Variants in RNF123 observed in about 807,000 individuals in gnomAD.
RNF123 encodes E3 ubiquitin-protein ligase RNF123.
Under a neutral mutation model 168.5 loss-of-function variants are expected in RNF123, and 86 were observed. The observed-to-expected ratio is 0.51, with a 90% CI of 0.43 to 0.61. The LOEUF (loss-of-function observed/expected upper bound fraction) is 0.61, where lower values mean the gene tolerates loss of function less well. Ranked by LOEUF, RNF123 falls within the 20% of genes least tolerant of loss-of-function variation. RNF123 has a pLI of 0.00. For missense variants in RNF123, 1,419 were observed against 1,729.7 expected, an observed-to-expected ratio of 0.82 and a Z score of 3.19; for synonymous variants, 666 against 689.1, an observed-to-expected ratio of 0.97 and a Z score of 0.52.
chr3:49,716,448 G>T lies in RNF123; in HGVS notation c.3471G>T (p.Val1157=), dbSNP rs1331484103. ...PILVAVTGIL[V]QLLVRGPASE... ...TGGTGGCAGTGACGGGCATCCTGGT[G>T]CAGCTCCTGGTGCGTGGCCCAGCCT... The change falls in exon 35 of 39, where the codon GTG becomes GTT. Residue 1157 remains valine (V), a synonymous_variant. Transcript: ENST00000327697. 1 of 1,614,000 alleles carries T rather than the reference G, an allele frequency of 6.2e-7. No homozygotes were observed. The highest frequency in any genetic ancestry group is 8.5e-7 in the Non-Finnish European group (1 of 1,180,000).
At chr3:49,713,490 C>T (rs778818608) in intron 27 of RNF123, 23 bp from the exon 28 acceptor site, 10 of 1,591,766 alleles carry the variant, frequency 6.3e-6, no homozygotes, top group Admixed American at 5.3e-5. Flanking sequence ...CCAGCCGACA[C>T]GTCTCACTTC....
Position 49,706,802 on chromosome 3 carries a change from C to G in RNF123, c.2400C>G (p.Ile800Met). 6.2e-7 allele frequency: 1 copy of G among 1,614,148 alleles called. No individual in the cohort carries two copies. Reference protein sequence around the residue: ...LRRCPKRRKDILAELTKSQKV... With the variant: ...LRRCPKRRKDMLAELTKSQKV... ...CCCTTGGGTGGCAGAGGAAGGACAT[C>G]CTTGCAGAGTTGACCAAGAGCCAGA... The change falls in exon 26 of 39, where the codon ATC (isoleucine) becomes ATG (methionine). Residue 800 changes from isoleucine to methionine, a missense_variant. Physicochemically the swap from Ile to Met is conservative, Grantham distance 10. This residue lies in a region of RNF123 where 538 missense variants were observed against 708.8 expected (regional missense o/e 0.76). Coordinates refer to ENST00000327697, the MANE Select transcript of RNF123 (RefSeq NM_022064.5).
intron 15 of RNF123, 66 bp from the exon 16 acceptor site, chr3:49,701,425 G>C: frequency 3.9e-6 from 5 of 1,270,368 alleles, no homozygotes; most frequent in Non-Finnish European, 4.6e-6. Flanking sequence ...GGGCTCCTGG[G>C]GAAGGACTCT....
intron 24 of RNF123, 145 bp downstream of exon 24, chr3:49,705,824 T>G: frequency 6.9e-7 from 1 of 1,448,350 alleles, no homozygotes; most frequent in East Asian, 2.3e-5. Context: ...TGGTTTCTGC[T>G]CCTGCTGCCT....
Position 49,699,605 on chromosome 3 carries a change from C to T in RNF123, c.879+23C>T, listed in dbSNP as rs367898854. The T allele has an allele frequency of 9.3e-6, 15 of 1,612,078 alleles. No individual in the cohort carries two copies. Among genetic ancestry groups the T allele is most frequent in the South Asian group, 2.2e-5 (2 of 91,044 alleles). Reference sequence around the variant, plus strand: ...GTGGTGAGCTGGGGTCTGGGCCAGGCGGGGTGGGGGGCTTCCACAGCCTCC... The same window carrying T: ...GTGGTGAGCTGGGGTCTGGGCCAGGTGGGGTGGGGGGCTTCCACAGCCTCC... On this transcript the variant is annotated intron_variant, in intron 11 of 38. Transcript: ENST00000327697. This position sits in a 1 kb window ranked among gnomAD's most constrained non-coding sequence, Gnocchi z 4.8.
chr3:49,699,641 A>G lies in RNF123; in HGVS notation c.880-27A>G. 1.2e-6 allele frequency: 2 copies of G among 1,613,050 alleles called. No individual in the cohort carries two copies. The highest frequency in any genetic ancestry group is 1.7e-6 in the Non-Finnish European group (2 of 1,179,440). ...GCTTCCACAGCCTCCTGCCCCTCACACTTCTCCCTCCTCCCCCTCCACACA... is the reference window on the plus strand; with the variant it reads ...GCTTCCACAGCCTCCTGCCCCTCACGCTTCTCCCTCCTCCCCCTCCACACA... On this transcript the variant is annotated intron_variant, in intron 11 of 38. Transcript: ENST00000327697. This position sits in a 1 kb window ranked among gnomAD's most constrained non-coding sequence, Gnocchi z 4.8.
chr3:49,702,028 A>G lies in RNF123; in HGVS notation c.1496-55A>G. On this transcript the variant is annotated intron_variant, in intron 17 of 38. Coordinates refer to ENST00000327697, the MANE Select transcript of RNF123 (RefSeq NM_022064.5). ...ACCCTGGTGGTGGAGCCCTGGCCCA[A>G]ACCTGCCCCCCATCTCCTGGAGCCT... The G allele has an allele frequency of 1.9e-6, 3 of 1,593,860 alleles. No individual in the cohort carries two copies. The Admixed American group carries it at 5.2e-5, about 28-fold the overall frequency.
chr3:49,701,439 G>A (rs2054381945), intron 15 of RNF123, 52 bp from the exon 16 acceptor site: 1 of 1,394,510 alleles, frequency 7.2e-7, no homozygotes, highest in Admixed American at 1.7e-5. Flanking sequence ...GGACTCTTGA[G>A]GGTGTGCAGA....
chr3:49,719,243 G>A lies in RNF123; in HGVS notation c.3501-1268G>A, dbSNP rs760910986. On this transcript the variant is annotated intron_variant, in intron 35 of 38. Coordinates refer to ENST00000327697, the MANE Select transcript of RNF123 (RefSeq NM_022064.5). ...GGCGCCAACCAGCCGGGGCGCAGGCGCTGGAGCGCGTTGTGGCTCAGGTCG... is the reference window on the plus strand; with the variant it reads ...GGCGCCAACCAGCCGGGGCGCAGGCACTGGAGCGCGTTGTGGCTCAGGTCG... 2.3e-5 allele frequency: 37 copies of A among 1,613,054 alleles called. No individual in the cohort carries two copies. In the South Asian group the frequency reaches 3.6e-4, roughly 16 times the overall value.
Position 49,699,605 on chromosome 3 carries a change from C to G in RNF123, c.879+23C>G, listed in dbSNP as rs367898854. 1 of 1,612,196 alleles carries G rather than the reference C, an allele frequency of 6.2e-7. No individual in the cohort carries two copies. The highest frequency in any genetic ancestry group is 2.2e-5 in the East Asian group (1 of 44,856). ...GTGGTGAGCTGGGGTCTGGGCCAGG[C>G]GGGGTGGGGGGCTTCCACAGCCTCC... On this transcript the variant is annotated intron_variant, in intron 11 of 38. Transcript: ENST00000327697. This position sits in a 1 kb window ranked among gnomAD's most constrained non-coding sequence, Gnocchi z 4.8.
chr3:49,710,878 T>C (rs2108195216), intron 26 of RNF123, among the ~76,000 whole-genome samples: 1 of 152,308 alleles, frequency 6.6e-6, no homozygotes. Context: ...TTTTCATATA[T>C]GGTCTTTATT....
chr3:49,694,052 T>C (rs1431810906), intron 3 of RNF123, among the ~76,000 whole-genome samples: 1 of 152,246 alleles, frequency 6.6e-6, no homozygotes, highest in African/African-American at 2.4e-5. Flanking sequence ...ATTTGTGGGC[T>C]GTCTCTTCAC....
At chr3:49,704,138 G>A (rs567528387) in intron 21 of RNF123, among the ~76,000 whole-genome samples, 1 of 152,172 alleles carries the variant, frequency 6.6e-6, no homozygotes, top group African/African-American at 2.4e-5. Context: ...GACACAGCGC[G>A]TTTAGCGGGG....
At chr3:49,700,394 T>C in intron 13 of RNF123, 42 bp downstream of exon 13, 1 of 1,612,880 alleles carries the variant, frequency 6.2e-7, no homozygotes, top group Non-Finnish European at 8.5e-7. Context: ...GCTGTCAGTC[T>C]TCACTGGGGT....
At chr3:49,714,824 A>G (rs930567163) in intron 31 of RNF123, among the ~76,000 whole-genome samples, 26 of 152,136 alleles carry the variant, frequency 1.7e-4, no homozygotes, top group African/African-American at 6.0e-4. Flanking sequence ...TTCTTGGCTC[A>G]TGTAGTCTGT....
chr3:49,698,944 C>T (rs987168911), intron 9 of RNF123, 36 bp from the exon 10 acceptor site: 1 of 1,611,962 alleles, frequency 6.2e-7, no homozygotes, highest in Admixed American at 1.7e-5. Flanking sequence ...CAGCCACATG[C>T]TTAGCACTGG....
At position 49,706,857 on chromosome 3, in the gene RNF123, A is replaced by G; in HGVS notation, c.2455A>G (p.Ser819Gly). The G allele has an allele frequency of 6.2e-7, 1 of 1,614,156 alleles. No homozygotes were observed. The highest frequency in any genetic ancestry group is 8.5e-7 in the Non-Finnish European group (1 of 1,180,016). ...TTTCTCAGAAAAGCTGGACCACCTG[A>G]GCCGCCGTCTTGCCTGGGTCCATGC... is the stretch of plus-strand genomic sequence containing the variant. ...KVFSEKLDHL[S>G]RRLAWVHATV... The change falls in exon 26 of 39, where the codon AGC (serine) becomes GGC (glycine). Residue 819 changes from serine (S) to glycine (G), a missense_variant. Ser to Gly is a moderately conservative substitution (Grantham distance 56). Transcript: ENST00000327697.
chr3:49,702,137 A>G lies in RNF123; in HGVS notation c.1550A>G (p.Asp517Gly). The change falls in exon 18 of 39, where the codon GAC becomes GGC. Residue 517 changes from aspartate to glycine, a missense_variant. Transcript: ENST00000327697. ...ILKLLLDNKD[D>G]NGGEASRYIF... ...AAGCTGCTGCTGGACAATAAAGATGACAATGGGGTGAGTGACTCCCAGGAG... is the reference window on the plus strand; with the variant it reads ...AAGCTGCTGCTGGACAATAAAGATGGCAATGGGGTGAGTGACTCCCAGGAG... 4.3e-6 allele frequency: 7 copies of G among 1,614,042 alleles called. No individual in the cohort carries two copies. The highest frequency in any genetic ancestry group is 5.9e-6 in the Non-Finnish European group (7 of 1,179,946).
At chr3:49,693,204 AT>A (rs1158087256) in intron 3 of RNF123, among the ~76,000 whole-genome samples, 7 of 151,982 alleles carry the variant, frequency 4.6e-5, no homozygotes, top group Non-Finnish European at 2.9e-5. Flanking sequence ...GCCCGCCACC[AT>A]GCCCAGCTAA....
Sources: gnomAD v4.1 joint callset for allele counts (sites outside exome capture counted in the v4.1 genomes callset) on GRCh38, gnomAD v4.1.1 for gene constraint, gnomAD v4.1.1 regional missense constraint, Gnocchi (gnomAD v3.1) non-coding constraint, MANE v1.5 for transcripts, NCBI Gene and HGNC (gene_info 2026-07-23, HGNC 2026-07-21) for gene names.